The following NUP205 variants were observed in gnomAD, a reference collection of about 807,000 sequenced individuals.
NUP205 encodes nucleoporin 205.
NUP205 carries 76 observed loss-of-function variants against 253.8 expected under a neutral mutation model. The ratio of observed to expected loss-of-function variants is 0.30; its 90% CI spans 0.25 to 0.36. The LOEUF is 0.36. Ranked by LOEUF, NUP205 falls within the 10% of genes least tolerant of loss-of-function variation. The probability of loss-of-function intolerance (pLI) is 1.00; values close to 1 mark genes in which losing one functional copy is unlikely to be tolerated. For synonymous variants in NUP205, 832 were observed against 850.1 expected (o/e 0.98, Z 0.37); for missense variants, 2,162 against 2,425.5 (o/e 0.89, Z 2.28).
rs889359704 is a variant in NUP205, at chr7:135,630,481, T to C, written c.5059+11T>C. 6 of 1,580,250 alleles carry C rather than the reference T, an allele frequency of 3.8e-6. No individual in the cohort carries two copies. In the African/African-American group the frequency reaches 5.5e-5, roughly 14 times the overall value. On this transcript the variant is annotated intron_variant, in intron 35 of 42. Transcript: ENST00000285968. ...AAGCAGCACTTCCTGGTGAGTTGAT[T>C]ATGTTGAAAGGATTTTTAATAATTC...
chr7:135,592,937 A>T (rs1438296210), intron 11 of NUP205, 50 bp from the exon 12 acceptor site: 1 of 1,293,090 alleles, frequency 7.7e-7, no homozygotes, highest in Non-Finnish European at 1.1e-6. Context: ...ATTTCCCAGC[A>T]AATGCTTAGA....
At chr7:135,635,313 A>G (rs1218488787) in intron 35 of NUP205, 2 of 239,044 alleles carry the variant, frequency 8.4e-6, no homozygotes, top group African/African-American at 4.5e-5. Context: ...TTATAAAAAA[A>G]TTAGATTTTT....
intron 34 of NUP205, among the ~76,000 whole-genome samples, chr7:135,629,490 T>TCTCTCTCTCTCTCTCTCTCTCTCC: frequency 7.0e-6 from 1 of 142,720 alleles, no homozygotes; most frequent in African/African-American, 2.6e-5. Context: ...TCTCTCTCTC[T>TCTCTCTCTCTCTCTCTCTCTCTCC]CTCTCTCTCT....
chr7:135,576,426 T>C lies in NUP205; in HGVS notation c.488+12T>C, dbSNP rs780457326. 11 of 1,601,110 alleles carry C rather than the reference T, an allele frequency of 6.9e-6. No homozygotes were observed. In the East Asian group the frequency reaches 2.5e-4, roughly 36 times the overall value. On this transcript the variant is annotated intron_variant, in intron 4 of 42. Transcript: ENST00000285968. ...ACCCTAGAACTCAGGTCTTTTTACT[T>C]CTTGGGATTTCAGGGGTTAATTTGA...
At chr7:135,640,769 TAAAG>T (rs920611815) in intron 38 of NUP205, among the ~76,000 whole-genome samples, 2 of 152,208 alleles carry the variant, frequency 1.3e-5, no homozygotes, top group Non-Finnish European at 2.9e-5. Context: ...CAGGATGTCT[TAAAG>T]AAACTGGGGA....
At chr7:135,566,308 C>T (rs1053856907) in intron 1 of NUP205, among the ~76,000 whole-genome samples, 1 of 152,026 alleles carries the variant, frequency 6.6e-6, no homozygotes, top group Admixed American at 6.6e-5. Context: ...GGAGTTTCAT[C>T]ATGTTGGCCA....
rs763762380 is a variant in NUP205 at position 135,607,282 on chromosome 7, A to G, written c.3106A>G (p.Ile1036Val). Residue 1036 changes from isoleucine to valine, a missense_variant, in exon 22 of 43, where the codon ATT becomes GTT. By Grantham distance (29) the Ile-to-Val change is conservative. Transcript: ENST00000285968. ...TTGCCCTCGGACATGCCTTCACGCC[A>G]TTCTAAACATCTTGGAGAAAGGAAC... ...LGCPRTCLHA[I>V]LNILEKGTEG... The G allele has an allele frequency of 3.1e-6, 5 of 1,614,062 alleles. No individual in the cohort carries two copies. The highest frequency in any genetic ancestry group is 2.2e-5 in the South Asian group (2 of 91,086).
At chr7:135,632,041 G>C (rs900396569) in intron 35 of NUP205, among the ~76,000 whole-genome samples, 1 of 152,056 alleles carries the variant, frequency 6.6e-6, no homozygotes, top group African/African-American at 2.4e-5. Flanking sequence ...CACCGCGCCC[G>C]GCCTATCTCT....
chr7:135,593,371 TAGCCCTGCTCATTGGC>T (rs1384580300), intron 12 of NUP205, among the ~76,000 whole-genome samples, 179 bp downstream of exon 12: 1 of 152,182 alleles, frequency 6.6e-6, no homozygotes, highest in Non-Finnish European at 1.5e-5. Context: ...TAAGTTATGG[TAGCCCTGCTCATTGGC>T]ATAATCTTAG....
intron 27 of NUP205, 115 bp from the exon 28 acceptor site, chr7:135,618,297 A>G: frequency 2.5e-6 from 2 of 794,606 alleles, no homozygotes; most frequent in Admixed American, 4.3e-5. Flanking sequence ...ATGAAAAGAT[A>G]CCTGCTTCCT....
intron 17 of NUP205, among the ~76,000 whole-genome samples, chr7:135,602,130 C>G (rs1462361730): frequency 6.6e-6 from 1 of 152,166 alleles, no homozygotes. Context: ...TGCTATATTA[C>G]CTCTACTTAA....
chr7:135,619,608 C>T lies in NUP205; in HGVS notation c.4149C>T (p.Asn1383=), dbSNP rs150498874. The change falls in exon 29 of 43, where the codon AAC becomes AAT. Residue 1383 remains asparagine (N), a synonymous_variant. Transcript: ENST00000285968. Reference sequence around the variant, plus strand: ...TCACCTCACCTCCTCCTGAAGAGAACCCATTAGTGGGTTTTGCTTCTATTG... The same window carrying T: ...TCACCTCACCTCCTCCTGAAGAGAATCCATTAGTGGGTTTTGCTTCTATTG... ...SCFTSPPPEE[N]PLVGFASIGD... 4.5e-4 allele frequency: 734 copies of T among 1,614,118 alleles called. 4 individuals are homozygous for T. In the African/African-American group the frequency reaches 8.9e-3, roughly 19 times the overall value.
Position 135,617,624 on chromosome 7 carries a change from C to A in NUP205, c.3713C>A (p.Ala1238Asp). The change falls in exon 27 of 43, where the codon GCT becomes GAT. Residue 1238 changes from alanine (A) to aspartate (D), a missense_variant. By Grantham distance (126) the Ala-to-Asp change is moderately radical (BLOSUM62 -2). This residue lies in a region of NUP205 where 1,144 missense variants were observed against 1,280.9 expected (regional missense o/e 0.89). Coordinates refer to ENST00000285968, the MANE Select transcript of NUP205 (RefSeq NM_015135.3). ...NVKLLHRVLV[A>D]EVNALQGMAA... Reference sequence around the variant, plus strand: ...CAGCTTCTTCATAGGGTTCTTGTAGCTGAAGTAAATGCCCTTCAGGGTATG... The same window carrying A: ...CAGCTTCTTCATAGGGTTCTTGTAGATGAAGTAAATGCCCTTCAGGGTATG... 1 of 1,612,772 alleles carries A rather than the reference C, an allele frequency of 6.2e-7. No individual in the cohort carries two copies. Among genetic ancestry groups the A allele is most frequent in the Non-Finnish European group, 8.5e-7 (1 of 1,178,964 alleles).
chr7:135,597,685 C>G (rs957894723), intron 14 of NUP205: 5 of 453,470 alleles, frequency 1.1e-5, no homozygotes, highest in Non-Finnish European at 1.9e-5. Flanking sequence ...AATTAGATTA[C>G]TTGAGTCAAC....
rs1584658549 is a variant in NUP205, at chr7:135,592,918, T to G, written c.1625-69T>G. ...AAAAAGTATATTGTTTTAAATTAAT[T>G]TTCTCTCCATTTCCCAGCAAATGCT... is the stretch of plus-strand genomic sequence containing the variant. On this transcript the variant is annotated intron_variant, in intron 11 of 42. Coordinates refer to ENST00000285968, the MANE Select transcript of NUP205 (RefSeq NM_015135.3). The G allele has an allele frequency of 5.3e-6, 6 of 1,136,692 alleles. No individual in the cohort carries two copies. The East Asian group carries it at 1.4e-4, about 27-fold the overall frequency. The allele number at this position is 1,136,692 out of a possible 1,614,324, so 70.4% of individuals were successfully genotyped here.
At chr7:135,620,332 G>C (rs1223853288) in intron 30 of NUP205, among the ~76,000 whole-genome samples, 1 of 152,170 alleles carries the variant, frequency 6.6e-6, no homozygotes, top group Non-Finnish European at 1.5e-5. Context: ...TCAGGAGTTC[G>C]AGACCAGCTT....
At position 135,626,283 on chromosome 7, in the gene NUP205, A is replaced by C; in HGVS notation, c.4715A>C (p.Glu1572Ala). Reference sequence around the variant, plus strand: ...GCAAAGATACAGCAGGGTGCATTAGAGCTGCTAAGATCAGGGGTGATTGTG... The same window carrying C: ...GCAAAGATACAGCAGGGTGCATTAGCGCTGCTAAGATCAGGGGTGATTGTG... Reference protein sequence around the residue: ...RVAKIQQGALELLRSGVIVRL... With the variant: ...RVAKIQQGALALLRSGVIVRL... Residue 1572 changes from glutamate (E) to alanine (A), a missense_variant, in exon 33 of 43, where the codon GAG (glutamate) becomes GCG (alanine). Glu to Ala is a moderately radical substitution (Grantham distance 107). Transcript: ENST00000285968. 1 of 1,614,078 alleles carries C rather than the reference A, an allele frequency of 6.2e-7. No homozygotes were observed. The highest frequency in any genetic ancestry group is 8.5e-7 in the Non-Finnish European group (1 of 1,179,928).
intron 4 of NUP205, 65 bp downstream of exon 4, chr7:135,576,479 C>A: frequency 7.2e-7 from 1 of 1,397,028 alleles, no homozygotes; most frequent in Non-Finnish European, 1.0e-6. Context: ...CAATATTTCC[C>A]TTATTATATA....
At chr7:135,570,668 A>AT (rs71174534) in intron 1 of NUP205, among the ~76,000 whole-genome samples, 6 of 116,818 alleles carry the variant, frequency 5.1e-5, no homozygotes, top group East Asian at 2.1e-4. Flanking sequence ...ATATTAATAT[A>AT]ATTAATATAT....
Sources: gnomAD v4.1 joint callset for allele counts (sites outside exome capture counted in the v4.1 genomes callset) on GRCh38, gnomAD v4.1.1 for gene constraint, gnomAD v4.1.1 regional missense constraint, MANE v1.5 for transcripts, NCBI Gene and HGNC (gene_info 2026-07-23, HGNC 2026-07-21) for gene names.